CWC27: variants seen among roughly 807,000 people sequenced by gnomAD.
The protein encoded by CWC27 is spliceosome-associated protein CWC27 homolog.
CWC27 carries 47 observed loss-of-function variants against 63.6 expected under a neutral mutation model. That is an observed-to-expected ratio of 0.74 (90% CI 0.58 to 0.94). CWC27 has a LOEUF of 0.94. CWC27 is among the 40% of genes least tolerant of loss of function. The pLI is 0.00. For missense variants in CWC27, 495 were observed against 554.3 expected, an observed-to-expected ratio of 0.89 and a Z score of 1.07; for synonymous variants, 175 against 179.8, an observed-to-expected ratio of 0.97 and a Z score of 0.22.
At chr5:64,947,824 A>G (rs1377327675) in intron 11 of CWC27, among the ~76,000 whole-genome samples, 1 of 152,066 alleles carries the variant, frequency 6.6e-6, no homozygotes, top group African/African-American at 2.4e-5. Context: ...AGAGCCTTAT[A>G]TATCATTTTG....
chr5:64,939,791 C>T (rs1748433724), intron 11 of CWC27, among the ~76,000 whole-genome samples: 1 of 151,946 alleles, frequency 6.6e-6, no homozygotes, highest in South Asian at 2.1e-4. Flanking sequence ...GGGACCGCTG[C>T]CTTTCTTTCA....
chr5:64,813,020 G>A (rs1744922325), intron 10 of CWC27, among the ~76,000 whole-genome samples: 2 of 152,068 alleles, frequency 1.3e-5, no homozygotes, highest in African/African-American at 4.8e-5. Context: ...GTATGACTCT[G>A]ATGCTAATAA....
intron 2 of CWC27, among the ~76,000 whole-genome samples, chr5:64,780,699 G>GCACACA (rs143721735): frequency 0.014 from 2,049 of 148,168 alleles, 51 homozygotes; most frequent in African/African-American, 0.048. Flanking sequence ...GCACACGCGC[G>GCACACA]CACACACACA....
At chr5:64,893,736 A>G (rs954188390) in intron 11 of CWC27, among the ~76,000 whole-genome samples, 3 of 152,226 alleles carry the variant, frequency 2.0e-5, no homozygotes, top group African/African-American at 7.2e-5. Context: ...AGGTTTTTTA[A>G]AGAAGACTAT....
intron 13 of CWC27, among the ~76,000 whole-genome samples, chr5:65,016,068 A>G (rs192789780): frequency 3.3e-5 from 5 of 152,286 alleles, no homozygotes; most frequent in Admixed American, 1.3e-4. Context: ...TATTCTTCCA[A>G]CTGGTTCTAG....
intron 1 of CWC27, among the ~76,000 whole-genome samples, chr5:64,771,490 C>T (rs1162390745): frequency 6.6e-6 from 1 of 152,118 alleles, no homozygotes; most frequent in Non-Finnish European, 1.5e-5. Flanking sequence ...AAATGTAGTA[C>T]TTGACAGAAA....
chr5:64,873,095 A>G (rs147047523), intron 10 of CWC27, among the ~76,000 whole-genome samples: 1 of 152,322 alleles, frequency 6.6e-6, no homozygotes, highest in African/African-American at 2.4e-5. Context: ...AGAAAATAGA[A>G]ACCCAAAATA....
intron 2 of CWC27, among the ~76,000 whole-genome samples, chr5:64,780,554 TCAAA>T (rs1441610442): frequency 6.7e-6 from 1 of 148,240 alleles, no homozygotes. Context: ...AATTTATATA[TCAAA>T]CAATATATAT....
chr5:64,848,202 A>G (rs1281993497), intron 10 of CWC27, among the ~76,000 whole-genome samples: 3 of 152,170 alleles, frequency 2.0e-5, no homozygotes, highest in Non-Finnish European at 2.9e-5. Context: ...CCATGGAAAT[A>G]CCAAAGATCA....
At chr5:64,903,325 C>A (rs1477915328) in intron 11 of CWC27, among the ~76,000 whole-genome samples, 1 of 152,106 alleles carries the variant, frequency 6.6e-6, no homozygotes, top group Non-Finnish European at 1.5e-5. Context: ...CACATATACA[C>A]CATGGAATAC....
At chr5:64,895,746 T>C (rs114178555) in intron 11 of CWC27, among the ~76,000 whole-genome samples, 2,547 of 152,194 alleles carry the variant, frequency 0.017, 68 homozygotes, top group African/African-American at 0.059. Flanking sequence ...ACACGTGATT[T>C]AAAAACAAAG....
intron 11 of CWC27, among the ~76,000 whole-genome samples, chr5:64,930,950 A>G (rs769543838): frequency 2.6e-5 from 4 of 152,162 alleles, no homozygotes; most frequent in Non-Finnish European, 5.9e-5. Flanking sequence ...GTATTCTTCA[A>G]TAATGTCCAT....
At chr5:64,888,636 A>G (rs1174136704) in intron 11 of CWC27, among the ~76,000 whole-genome samples, 1 of 150,994 alleles carries the variant, frequency 6.6e-6, no homozygotes, top group Non-Finnish European at 1.5e-5. Context: ...TGAAGTAAGG[A>G]TGTAAATAAC....
intron 10 of CWC27, chr5:64,808,479 G>T (rs1180484007): frequency 2.6e-6 from 1 of 378,898 alleles, no homozygotes; most frequent in Non-Finnish European, 3.6e-6. Flanking sequence ...ATTTACATTT[G>T]TATCTCCATG....
Position 64,977,286 on chromosome 5 carries a change from A to G in CWC27, c.1256+48A>G, listed in dbSNP as rs577492385. On this transcript the variant is annotated intron_variant, in intron 13 of 13. Coordinates refer to ENST00000381070, the MANE Select transcript of CWC27 (RefSeq NM_005869.4). ...ATTAACCATGAACAAATAGTCTCAG[A>G]GCAGAGACACTACTGGGGCATTTCC... 7.0e-6 allele frequency: 9 copies of G among 1,287,518 alleles called. No homozygotes were observed. In the African/African-American group the frequency reaches 1.0e-4, roughly 15 times the overall value. 79.8% of individuals were successfully genotyped at this position (1,287,518 alleles called of 1,614,324 possible). A position where few individuals can be genotyped will look rare whatever the true frequency, so the allele number is the denominator to read the frequency against.
At chr5:64,929,294 T>G (rs1748185536) in intron 11 of CWC27, among the ~76,000 whole-genome samples, 1 of 152,088 alleles carries the variant, frequency 6.6e-6, no homozygotes, top group African/African-American at 2.4e-5. Flanking sequence ...CATTTCCCTC[T>G]GAAAGGAACC....
At position 64,788,996 on chromosome 5, in the gene CWC27, G is replaced by T. The variant is rs2112178401; in HGVS notation, c.645G>T (p.Glu215Asp). ...LSFGEEAEEE[E>D]EEVNRVSQSM... Reference sequence around the variant, plus strand: ...TTGGAGAGGAAGCTGAGGAAGAAGAGGAGGAAGTAAATCGAGTTAGTCAGG... The same window carrying T: ...TTGGAGAGGAAGCTGAGGAAGAAGATGAGGAAGTAAATCGAGTTAGTCAGG... Residue 215 changes from glutamate (E) to aspartate (D), a missense_variant, in exon 7 of 14, where the codon GAG becomes GAT. Glu to Asp is a conservative substitution (Grantham distance 45). Around this residue, in one of 3 missense-constraint regions of CWC27, gnomAD observed 463 missense variants for 498.1 expected, o/e 0.93. Transcript: ENST00000381070. 6.2e-7 allele frequency: 1 copy of T among 1,604,100 alleles called. No homozygotes were observed. Among genetic ancestry groups the T allele is most frequent in the African/African-American group, 1.3e-5 (1 of 74,364 alleles).
Position 64,953,005 on chromosome 5 carries a change from T to C in CWC27, c.1043-18698T>C, listed in dbSNP as rs578084255. Among the ~76,000 whole-genome samples, 354 of 152,280 alleles carry C rather than the reference T, an allele frequency of 2.3e-3. 2 individuals carry two copies. The highest frequency in any genetic ancestry group is 7.8e-3 in the African/African-American group (323 of 41,574). ...GAGAAGTCCCTTGTACTTTATTCCA[T>C]GCTTTGCCAAGTTGCCATGTGAGGC... On this transcript the variant is annotated intron_variant, in intron 11 of 13. Coordinates refer to ENST00000381070, the MANE Select transcript of CWC27 (RefSeq NM_005869.4).
chr5:64,924,804 G>C (rs1236976344), intron 11 of CWC27, among the ~76,000 whole-genome samples: 2 of 152,176 alleles, frequency 1.3e-5, no homozygotes, highest in Admixed American at 6.5e-5. Context: ...CATTAGAAGT[G>C]AGTATGGACA....
Sources: allele counts gnomAD v4.1 joint callset (sites outside exome capture counted in the v4.1 genomes callset), GRCh38; gene constraint gnomAD v4.1.1; regional missense constraint gnomAD v4.1.1; transcripts MANE v1.5; gene names NCBI Gene and HGNC (gene_info 2026-07-23, HGNC 2026-07-21).